The following SLC25A33 variants were observed in gnomAD, a reference collection of about 807,000 sequenced individuals.
The protein encoded by SLC25A33 is solute carrier family 25 member 33.
In SLC25A33, 15 loss-of-function variants were observed where a neutral mutation model predicts 35.5. That is an observed-to-expected ratio of 0.42 (90% confidence interval 0.28 to 0.65). SLC25A33 has a LOEUF of 0.65. Ranked by LOEUF, SLC25A33 falls within the 30% of genes least tolerant of loss-of-function variation. SLC25A33 has a pLI of 0.20. For missense variants in SLC25A33, 257 were observed against 398.5 expected, an observed-to-expected ratio of 0.64 and a Z score of 3.02; for synonymous variants, 136 against 148.7, an observed-to-expected ratio of 0.91 and a Z score of 0.62.
intron 4 of SLC25A33, among the ~76,000 whole-genome samples, chr1:9,571,594 T>G (rs951367798): frequency 6.6e-6 from 1 of 151,940 alleles, no homozygotes; most frequent in Non-Finnish European, 1.5e-5. Flanking sequence ...CTCTTTTGTA[T>G]AGAGTTCTAT....
At position 9,580,287 on chromosome 1, in the gene SLC25A33, G is replaced by C. The variant is rs569229884; in HGVS notation, c.763+53G>C. On this transcript the variant is annotated intron_variant, in intron 6 of 6. Coordinates refer to ENST00000302692, the MANE Select transcript of SLC25A33 (RefSeq NM_032315.3). ...CAGTAAAACAGCTGTCACGTTTGTT[G>C]TTTGTGGGTATATCTAGACTTCTGA... 3.5e-4 allele frequency: 550 copies of C among 1,585,666 alleles called. 5 individuals are homozygous for C. The highest frequency in any genetic ancestry group is 3.4e-3 in the South Asian group (288 of 85,244).
chr1:9,571,624 T>G (rs1643591823), intron 4 of SLC25A33, among the ~76,000 whole-genome samples: 2 of 134,674 alleles, frequency 1.5e-5, no homozygotes, highest in Admixed American at 7.3e-5. Context: ...AACAGAAGGG[T>G]TTTTTTTTTT....
intron 4 of SLC25A33, among the ~76,000 whole-genome samples, chr1:9,572,506 T>A (rs1171430621): frequency 6.6e-6 from 1 of 151,610 alleles, no homozygotes; most frequent in East Asian, 1.9e-4. Context: ...TAGTCCCAGC[T>A]GCTCGGGAGG....
chr1:9,545,195 GTTT>G (rs886088328), intron 1 of SLC25A33, among the ~76,000 whole-genome samples: 1 of 151,762 alleles, frequency 6.6e-6, no homozygotes, highest in Non-Finnish European at 1.5e-5. Context: ...GAGTTTTTTT[GTTT>G]TTGGTGGTTT....
chr1:9,557,280 A>G (rs1386828795), intron 2 of SLC25A33, among the ~76,000 whole-genome samples: 2 of 152,262 alleles, frequency 1.3e-5, no homozygotes, highest in Non-Finnish European at 2.9e-5. Context: ...AATATAAACA[A>G]TGGCGTTAGT....
At chr1:9,573,997 G>GT (rs1343345799) in intron 5 of SLC25A33, among the ~76,000 whole-genome samples, 1 of 151,360 alleles carries the variant, frequency 6.6e-6, no homozygotes, top group Admixed American at 6.6e-5. Flanking sequence ...TTGTTGTTTT[G>GT]TTTTTTTGTT....
chr1:9,543,319 T>C (rs1460997179), intron 1 of SLC25A33, among the ~76,000 whole-genome samples: 1 of 152,028 alleles, frequency 6.6e-6, no homozygotes, highest in Non-Finnish European at 1.5e-5. Flanking sequence ...AATTTTTGTA[T>C]TTTTAGTGGA....
At chr1:9,577,586 G>T (rs1299890150) in intron 5 of SLC25A33, among the ~76,000 whole-genome samples, 2 of 152,210 alleles carry the variant, frequency 1.3e-5, no homozygotes, top group Non-Finnish European at 2.9e-5. Flanking sequence ...CTGGAGAAGG[G>T]AGTTATGGAA....
At position 9,556,546 on chromosome 1, in the gene SLC25A33, C is replaced by T. The variant is rs115512641; in HGVS notation, c.236+2741C>T. Among the ~76,000 whole-genome samples, 1,027 of 152,264 alleles carry T rather than the reference C, an allele frequency of 6.7e-3. 10 individuals are homozygous for T. Among genetic ancestry groups the T allele is most frequent in the African/African-American group, 0.024 (984 of 41,552 alleles). On this transcript the variant is annotated intron_variant, in intron 2 of 6. Coordinates refer to ENST00000302692, the MANE Select transcript of SLC25A33 (RefSeq NM_032315.3). ...ATCCCCAGTCCAGAAATACAAAATG[C>T]TCCAATGGGCATTTCTTTCAGCATC... is the stretch of plus-strand genomic sequence containing the variant.
At chr1:9,564,611 G>A (rs955565955) in intron 2 of SLC25A33, among the ~76,000 whole-genome samples, 1 of 151,600 alleles carries the variant, frequency 6.6e-6, no homozygotes, top group Admixed American at 6.6e-5. Context: ...TTCTGGGTGG[G>A]CACAGTGGCT....
chr1:9,577,601 A>C (rs942709732), intron 5 of SLC25A33, among the ~76,000 whole-genome samples: 3 of 152,162 alleles, frequency 2.0e-5, no homozygotes, highest in Non-Finnish European at 4.4e-5. Context: ...ATGGAAGAAT[A>C]AGGCTGGAGG....
At position 9,539,667 on chromosome 1, in the gene SLC25A33, G is replaced by T. The variant is rs982846090; in HGVS notation, c.-25G>T. On this transcript the variant is annotated 5_prime_UTR_variant, in exon 1 of 7. Coordinates refer to ENST00000302692, the MANE Select transcript of SLC25A33 (RefSeq NM_032315.3). ...CCACGCGCTCTCGCCACCGGGCGGC[G>T]ACGGGCCGCGGAGCCGGCGCGGCCA... 6.7e-6 allele frequency: 9 copies of T among 1,350,928 alleles called. No individual in the cohort carries two copies. Among genetic ancestry groups the T allele is most frequent in the Admixed American group, 3.7e-5 (1 of 26,814 alleles). The allele number at this position is 1,350,928 out of a possible 1,614,324, so 83.7% of individuals were successfully genotyped here.
chr1:9,580,865 AAATAATAAT>A (rs35059537), intron 6 of SLC25A33, among the ~76,000 whole-genome samples: 26 of 129,418 alleles, frequency 2.0e-4, no homozygotes, highest in Admixed American at 7.5e-4. Flanking sequence ...AAAAAAAAAA[AAATAATAAT>A]AATAATAATA....
intron 5 of SLC25A33, chr1:9,576,686 T>G (rs1341961604): frequency 4.6e-6 from 3 of 653,918 alleles, no homozygotes; most frequent in Non-Finnish European, 5.8e-6. Context: ...TGTTACAAGA[T>G]GAGGTCTGCG....
Position 9,553,230 on chromosome 1 carries a change from G to GTT in SLC25A33, c.57-387_57-386dup, listed in dbSNP as rs1340250968. ...TTTTTTTTTTTTTTTTTTTTTTTGG[G>GTT]TTTTTTTTTTGTTTGAGACGGAGTC... On this transcript the variant is annotated intron_variant, in intron 1 of 6. Coordinates refer to ENST00000302692, the MANE Select transcript of SLC25A33 (RefSeq NM_032315.3). Among the ~76,000 whole-genome samples the GTT allele has an allele frequency of 7.7e-3, 698 of 91,124 alleles. 1 individual carries two copies. The highest frequency in any genetic ancestry group is 0.01 in the Middle Eastern group (1 of 98). The allele number at this position is 91,124 out of a possible 152,430, so 59.8% of individuals were successfully genotyped here. A position where few individuals can be genotyped will look rare whatever the true frequency, so the allele number is the denominator to read the frequency against.
chr1:9,549,996 CATAT>C (rs1314749490), intron 1 of SLC25A33, among the ~76,000 whole-genome samples: 10 of 72,046 alleles, frequency 1.4e-4, no homozygotes, highest in Admixed American at 4.7e-4. Context: ...TTTTTCTATA[CATAT>C]ATATATATAT....
intron 5 of SLC25A33, among the ~76,000 whole-genome samples, chr1:9,574,160 A>G (rs544251119): frequency 1.5e-5 from 2 of 133,038 alleles, no homozygotes; most frequent in East Asian, 2.1e-4. Context: ...GGCCTCATCT[A>G]TCACCCAGCC....
intron 2 of SLC25A33, among the ~76,000 whole-genome samples, chr1:9,558,603 C>G (rs1298409340): frequency 6.6e-6 from 1 of 152,214 alleles, no homozygotes; most frequent in African/African-American, 2.4e-5. Context: ...AGAGGCAGCT[C>G]CATCTTTCCA....
chr1:9,568,419 G>C (rs1168384592), intron 3 of SLC25A33, among the ~76,000 whole-genome samples: 1 of 152,066 alleles, frequency 6.6e-6, no homozygotes, highest in Non-Finnish European at 1.5e-5. Context: ...ACTGCAGCCT[G>C]GGTGAAAGAG....
Sources: gnomAD v4.1 joint callset for allele counts (sites outside exome capture counted in the v4.1 genomes callset) on GRCh38, gnomAD v4.1.1 for gene constraint, MANE v1.5 for transcripts, NCBI Gene and HGNC (gene_info 2026-07-23, HGNC 2026-07-21) for gene names.